ADCY1: variants seen among roughly 807,000 people sequenced by gnomAD.
The protein encoded by ADCY1 is adenylate cyclase 1.
Under a neutral mutation model 105.4 loss-of-function variants are expected in ADCY1, and 28 were observed. The ratio of observed to expected loss-of-function variants is 0.27; its 90% CI spans 0.20 to 0.36. The LOEUF (loss-of-function observed/expected upper bound fraction) is 0.36, where lower values mean the gene tolerates loss of function less well. ADCY1 is among the 10% of genes least tolerant of loss of function. The pLI is 1.00. For synonymous variants in ADCY1, 655 were observed against 623.8 expected (o/e 1.05, Z -0.75); for missense variants, 977 against 1,434.2 (o/e 0.68, Z 5.15).
chr7:45,633,836 G>A (rs370355917), intron 4 of ADCY1, among the ~76,000 whole-genome samples: 1 of 147,220 alleles, frequency 6.8e-6, no homozygotes. Flanking sequence ...AGCAAAAACC[G>A]TAATTACTTA....
Position 45,703,255 on chromosome 7 carries a change from C to A in ADCY1, c.2455-121C>A. On this transcript the variant is annotated intron_variant, in intron 14 of 19. Transcript: ENST00000297323. This position sits in a 1 kb window ranked among gnomAD's most constrained non-coding sequence, Gnocchi z 5.9. ...ATCTAGTGGGGAGGAGGGACAGGAG[C>A]GTGGATGTAGACCATCAGCACACCT... 1 of 860,192 alleles carries A rather than the reference C, an allele frequency of 1.2e-6. No homozygotes were observed. The highest frequency in any genetic ancestry group is 2.0e-6 in the Non-Finnish European group (1 of 508,932). 53.3% of individuals were successfully genotyped at this position (860,192 alleles called of 1,614,324 possible).
At chr7:45,657,222 G>A (rs1195659463) in intron 5 of ADCY1, among the ~76,000 whole-genome samples, 1 of 152,264 alleles carries the variant, frequency 6.6e-6, no homozygotes, top group Non-Finnish European at 1.5e-5. Flanking sequence ...GTGTGTGTCA[G>A]GAAGGGGTGG....
intron 8 of ADCY1, among the ~76,000 whole-genome samples, chr7:45,674,955 A>G (rs1479729655): frequency 2.6e-5 from 4 of 152,216 alleles, no homozygotes; most frequent in African/African-American, 7.2e-5. Flanking sequence ...AAGTTTCTTT[A>G]AACAGCATAT....
intron 8 of ADCY1, among the ~76,000 whole-genome samples, chr7:45,671,093 C>T (rs1784356987): frequency 6.6e-6 from 1 of 152,230 alleles, no homozygotes; most frequent in Admixed American, 6.5e-5. Context: ...GGACTCTGAG[C>T]ATGGTTTCCT....
intron 4 of ADCY1, among the ~76,000 whole-genome samples, chr7:45,642,723 T>A (rs1375502716): frequency 6.6e-6 from 1 of 152,192 alleles, no homozygotes; most frequent in East Asian, 1.9e-4. Context: ...GGTGGAGCGG[T>A]TATCAGTGAG....
At chr7:45,696,728 T>C (rs1394349677) in intron 14 of ADCY1, among the ~76,000 whole-genome samples, 1 of 152,148 alleles carries the variant, frequency 6.6e-6, no homozygotes, top group African/African-American at 2.4e-5. Flanking sequence ...TCCCCAGCTC[T>C]GAGGCCTATG....
chr7:45,661,219 G>A (rs749747925), intron 7 of ADCY1, among the ~76,000 whole-genome samples: 15 of 152,298 alleles, frequency 9.8e-5, no homozygotes, highest in Non-Finnish European at 2.1e-4. Context: ...TGACAAGATA[G>A]GTACAGTATA....
intron 4 of ADCY1, among the ~76,000 whole-genome samples, chr7:45,639,147 A>G (rs78410735): frequency 0.012 from 1,888 of 152,332 alleles, 34 homozygotes; most frequent in African/African-American, 0.043. Context: ...TTAAACAAAC[A>G]CAGAACATGT....
In ADCY1 at chr7:45,574,940, T is replaced by A; in HGVS notation, c.397T>A (p.Phe133Ile). 6.2e-7 allele frequency: 1 copy of A among 1,612,028 alleles called. No individual in the cohort carries two copies. The highest frequency in any genetic ancestry group is 1.7e-4 in the Middle Eastern group (1 of 5,986). The change falls in exon 1 of 20, where the codon TTC (phenylalanine) becomes ATC (isoleucine). Residue 133 changes from phenylalanine (F) to isoleucine (I), a missense_variant. By Grantham distance (21) the Phe-to-Ile change is conservative. Around this residue, in one of 7 missense-constraint regions of ADCY1, gnomAD observed 209 missense variants for 222.5 expected, o/e 0.94. Transcript: ENST00000297323. This position sits in a 1 kb window ranked among gnomAD's most constrained non-coding sequence, Gnocchi z 7.0. ...GQLALLFSLT[F>I]ALLCCPFALG... is the part of the protein sequence containing the mutation. ...GCTGGCGCTGCTCTTCAGCCTCACCTTCGCGCTGCTCTGCTGTCCTTTCGC... is the reference window on the plus strand; with the variant it reads ...GCTGGCGCTGCTCTTCAGCCTCACCATCGCGCTGCTCTGCTGTCCTTTCGC...
chr7:45,673,056 T>C (rs1317898412), intron 8 of ADCY1, among the ~76,000 whole-genome samples: 1 of 152,226 alleles, frequency 6.6e-6, no homozygotes, highest in African/African-American at 2.4e-5. Flanking sequence ...TCTGTATCAA[T>C]TGACTTTCCT....
intron 4 of ADCY1, among the ~76,000 whole-genome samples, chr7:45,639,478 G>T (rs1247843345): frequency 6.6e-6 from 1 of 152,132 alleles, no homozygotes; most frequent in African/African-American, 2.4e-5. Flanking sequence ...GAAGACTGTG[G>T]GGCAGCATGG....
At position 45,579,269 on chromosome 7, in the gene ADCY1, C is replaced by G. The variant is rs76323096; in HGVS notation, c.639+4087C>G. 4.0e-3 allele frequency among the ~76,000 whole-genome samples: 606 copies of G among 152,314 alleles called. 3 individuals are homozygous for G. Among genetic ancestry groups the G allele is most frequent in the African/African-American group, 0.014 (586 of 41,558 alleles). ...TATGCCTTTGTGTGCCCTGTGCCCACTGCCCAACATGCTGTCAACTCCCAG... is the reference window on the plus strand; with the variant it reads ...TATGCCTTTGTGTGCCCTGTGCCCAGTGCCCAACATGCTGTCAACTCCCAG... On this transcript the variant is annotated intron_variant, in intron 1 of 19. Transcript: ENST00000297323.
intron 19 of ADCY1, among the ~76,000 whole-genome samples, chr7:45,713,361 TC>T (rs1252120037): frequency 2.0e-5 from 3 of 152,200 alleles, no homozygotes; most frequent in Admixed American, 2.0e-4. Flanking sequence ...TCTGGGTGCT[TC>T]CTGGGCCACC....
At chr7:45,636,421 T>C (rs1463945865) in intron 4 of ADCY1, among the ~76,000 whole-genome samples, 1 of 152,252 alleles carries the variant, frequency 6.6e-6, no homozygotes, top group Non-Finnish European at 1.5e-5. Context: ...TCAGTATAGA[T>C]GCAACCTTGA....
intron 1 of ADCY1, among the ~76,000 whole-genome samples, chr7:45,590,804 C>T (rs377287753): frequency 2.0e-3 from 310 of 152,280 alleles, no homozygotes; most frequent in Non-Finnish European, 2.8e-3. Flanking sequence ...ACAGCCATCC[C>T]GTCTGGCCTG....
chr7:45,620,180 G>T (rs1793852365), intron 3 of ADCY1, among the ~76,000 whole-genome samples: 1 of 152,122 alleles, frequency 6.6e-6, no homozygotes, highest in Non-Finnish European at 1.5e-5. Flanking sequence ...CTTGTATGAG[G>T]TATTTAAAAT....
intron 2 of ADCY1, among the ~76,000 whole-genome samples, chr7:45,604,565 T>G (rs1793325980): frequency 6.6e-6 from 1 of 152,194 alleles, no homozygotes; most frequent in Non-Finnish European, 1.5e-5. Context: ...TGCTGTAGCA[T>G]TTGTTGAAAA....
At chr7:45,583,953 T>TG (rs199735137) in intron 1 of ADCY1, among the ~76,000 whole-genome samples, 2,647 of 143,498 alleles carry the variant, frequency 0.018, 72 homozygotes, top group South Asian at 0.094. Flanking sequence ...TTTTTTTTTT[T>TG]TTTTTTTTTT....
intron 2 of ADCY1, among the ~76,000 whole-genome samples, chr7:45,605,388 C>A (rs2115837959): frequency 6.6e-6 from 1 of 152,246 alleles, no homozygotes; most frequent in East Asian, 1.9e-4. Flanking sequence ...TAATGGGAGC[C>A]AACATCCTTG....
Sources: gnomAD v4.1 joint callset for allele counts (sites outside exome capture counted in the v4.1 genomes callset) on GRCh38, gnomAD v4.1.1 for gene constraint, gnomAD v4.1.1 regional missense constraint, Gnocchi (gnomAD v3.1) non-coding constraint, MANE v1.5 for transcripts, NCBI Gene and HGNC (gene_info 2026-07-23, HGNC 2026-07-21) for gene names.